Variants in MAP2K1 observed in about 807,000 individuals in gnomAD.
MAP2K1 encodes dual specificity mitogen-activated protein kinase kinase 1.
A neutral mutation model predicts 46.3 loss-of-function variants in MAP2K1; 16 were observed. The ratio of observed to expected loss-of-function variants is 0.35; its 90% CI spans 0.23 to 0.52. MAP2K1 has a LOEUF of 0.52. MAP2K1 is among the 20% of genes least tolerant of loss of function. The pLI is 0.94. For missense variants in MAP2K1, 263 were observed against 497.1 expected, an observed-to-expected ratio of 0.53 and a Z score of 4.48; for synonymous variants, 183 against 185.6, an observed-to-expected ratio of 0.99 and a Z score of 0.11.
intron 1 of MAP2K1, chr15:66,414,846 G>C (rs187496951): frequency 4.1e-6 from 1 of 245,206 alleles, no homozygotes; most frequent in East Asian, 1.5e-4. Flanking sequence ...GATATGAAAG[G>C]ATTCAGCAAC....
At chr15:66,429,472 A>G (rs552693698) in intron 1 of MAP2K1, among the ~76,000 whole-genome samples, 7 of 152,302 alleles carry the variant, frequency 4.6e-5, no homozygotes, top group South Asian at 2.1e-4. Flanking sequence ...ACCATATCAT[A>G]TAGTACATAC....
At chr15:66,413,116 G>A (rs980952637) in intron 1 of MAP2K1, among the ~76,000 whole-genome samples, 1 of 151,990 alleles carries the variant, frequency 6.6e-6, no homozygotes, top group Non-Finnish European at 1.5e-5. Context: ...GGCTGGCCTC[G>A]AACTCCTGAC....
intron 5 of MAP2K1, among the ~76,000 whole-genome samples, chr15:66,454,246 G>T (rs935865672): frequency 1.3e-5 from 2 of 152,158 alleles, no homozygotes; most frequent in African/African-American, 4.8e-5. Flanking sequence ...GTAGAGTGAA[G>T]TCTCCATCTC....
intron 5 of MAP2K1, among the ~76,000 whole-genome samples, chr15:66,467,702 A>G (rs949268249): frequency 4.6e-5 from 7 of 152,210 alleles, no homozygotes; most frequent in African/African-American, 1.4e-4. Context: ...CTGGGATTAC[A>G]GGTGCCTGCC....
chr15:66,437,885 G>T (rs2093492581), intron 3 of MAP2K1, among the ~76,000 whole-genome samples: 2 of 152,146 alleles, frequency 1.3e-5, no homozygotes, highest in Non-Finnish European at 2.9e-5. Context: ...AATGAGAGCA[G>T]AGCATTCTCT....
At chr15:66,439,748 A>C (rs1029670388) in intron 3 of MAP2K1, among the ~76,000 whole-genome samples, 1 of 152,002 alleles carries the variant, frequency 6.6e-6, no homozygotes, top group African/African-American at 2.4e-5. Flanking sequence ...CCTGGACAAC[A>C]AAGGCAAAAC....
At chr15:66,419,100 G>C (rs1323863779) in intron 1 of MAP2K1, among the ~76,000 whole-genome samples, 1 of 151,090 alleles carries the variant, frequency 6.6e-6, no homozygotes, top group African/African-American at 2.4e-5. Flanking sequence ...CCAAGTAGCT[G>C]GGATTACAGG....
chr15:66,428,447 T>G (rs1458440481), intron 1 of MAP2K1, among the ~76,000 whole-genome samples: 1 of 152,084 alleles, frequency 6.6e-6, no homozygotes, highest in Admixed American at 6.5e-5. Context: ...TTGCATGCGG[T>G]TCAAGTCCAG....
At chr15:66,443,604 C>T (rs1595865235) in intron 4 of MAP2K1, among the ~76,000 whole-genome samples, 2 of 152,096 alleles carry the variant, frequency 1.3e-5, no homozygotes, top group South Asian at 2.1e-4. Context: ...GGCACAGTGG[C>T]TCGCACCTGT....
chr15:66,400,404 G>A (rs767762411), intron 1 of MAP2K1, among the ~76,000 whole-genome samples: 1 of 152,138 alleles, frequency 6.6e-6, no homozygotes, highest in Non-Finnish European at 1.5e-5. Flanking sequence ...ACATCCCCCT[G>A]AAGTATGAGT....
chr15:66,458,164 G>A (rs1892219283), intron 5 of MAP2K1, among the ~76,000 whole-genome samples: 1 of 152,138 alleles, frequency 6.6e-6, no homozygotes, highest in South Asian at 2.1e-4. Context: ...GTTGTGCTGT[G>A]AGTTAAAAAG....
chr15:66,447,045 A>G (rs532588584), intron 5 of MAP2K1, among the ~76,000 whole-genome samples: 4 of 152,222 alleles, frequency 2.6e-5, no homozygotes, highest in African/African-American at 9.6e-5. Context: ...CACTGCCAAC[A>G]CTGACTGGTG....
At chr15:66,474,421 C>A (rs771925980) in intron 5 of MAP2K1, among the ~76,000 whole-genome samples, 1 of 152,142 alleles carries the variant, frequency 6.6e-6, no homozygotes, top group African/African-American at 2.4e-5. Flanking sequence ...CGTGCTCACT[C>A]GCTAAACTGG....
chr15:66,447,210 A>ATT (rs113189634), intron 5 of MAP2K1, among the ~76,000 whole-genome samples: 5 of 142,362 alleles, frequency 3.5e-5, no homozygotes, highest in African/African-American at 1.0e-4. Flanking sequence ...TCCTGGATGC[A>ATT]TTTTTTTTTT....
rs115618720 is a variant in MAP2K1, at chr15:66,402,360, G to A, written c.80+14933G>A. Among the ~76,000 whole-genome samples, 486 of 152,274 alleles carry A rather than the reference G, an allele frequency of 3.2e-3. 4 individuals are homozygous for A. Among genetic ancestry groups the A allele is most frequent in the African/African-American group, 0.011 (470 of 41,538 alleles). On this transcript the variant is annotated intron_variant, in intron 1 of 10. Transcript: ENST00000307102. ...TAATTTTTCTCCACAGTGAAGTCTA[G>A]TGTCTTACTGGAGTTTACTAAACAT...
intron 1 of MAP2K1, among the ~76,000 whole-genome samples, chr15:66,391,848 C>G (rs2093356783): frequency 1.3e-5 from 2 of 151,858 alleles, no homozygotes; most frequent in African/African-American, 2.4e-5. Flanking sequence ...ATGTGTATAC[C>G]CTTGGGAAGT....
chr15:66,456,770 G>T (rs547537539), intron 5 of MAP2K1, among the ~76,000 whole-genome samples: 1 of 152,308 alleles, frequency 6.6e-6, no homozygotes, highest in East Asian at 1.9e-4. Flanking sequence ...CACCCCTGTG[G>T]TACAACAGAT....
At position 66,459,309 on chromosome 15, in the gene MAP2K1, C is replaced by CAA. The variant is rs35580857; in HGVS notation, c.568+14618_568+14619dup. Among the ~76,000 whole-genome samples, 634 of 123,158 alleles carry CAA rather than the reference C, an allele frequency of 5.1e-3. 10 individuals are homozygous for CAA. The highest frequency in any genetic ancestry group is 0.018 in the African/African-American group (587 of 32,544). The allele number at this position is 123,158 out of a possible 152,430, so 80.8% of individuals were successfully genotyped here. A position where few individuals can be genotyped will look rare whatever the true frequency, so the allele number is the denominator to read the frequency against. Reference sequence around the variant, plus strand: ...TTGGCAACAGAACAAGACTCTGTCTCAAAAAAAAAAAAAAAAATGTTTTTG... The same window carrying CAA: ...TTGGCAACAGAACAAGACTCTGTCTCAAAAAAAAAAAAAAAAAAATGTTTTTG... On this transcript the variant is annotated intron_variant, in intron 5 of 10. Transcript: ENST00000307102.
At chr15:66,447,051 T>A (rs1001340352) in intron 5 of MAP2K1, among the ~76,000 whole-genome samples, 2 of 152,112 alleles carry the variant, frequency 1.3e-5, no homozygotes, top group Admixed American at 6.5e-5. Context: ...CAACACTGAC[T>A]GGTGTTGAGA....
Sources: allele counts gnomAD v4.1 joint callset (sites outside exome capture counted in the v4.1 genomes callset), GRCh38; gene constraint gnomAD v4.1.1; transcripts MANE v1.5; gene names NCBI Gene and HGNC (gene_info 2026-07-23, HGNC 2026-07-21).